PLSCR4: variants seen among roughly 807,000 people sequenced by gnomAD.
PLSCR4 encodes the protein Ca(2+)-dependent phospholipid scramblase 4.
PLSCR4 carries 25 observed loss-of-function variants against 36.3 expected under a neutral mutation model. The ratio of observed to expected loss-of-function variants is 0.69; its 90% CI spans 0.50 to 0.96. PLSCR4 has a LOEUF of 0.96. PLSCR4 is among the 40% of genes least tolerant of loss of function. The pLI is 0.00. For missense variants in PLSCR4, 408 were observed against 414.7 expected, an observed-to-expected ratio of 0.98 and a Z score of 0.14; for synonymous variants, 122 against 132.9, an observed-to-expected ratio of 0.92 and a Z score of 0.56.
At chr3:146,220,387 GA>G (rs1390944660) in intron 3 of PLSCR4, among the ~76,000 whole-genome samples, 2 of 152,086 alleles carry the variant, frequency 1.3e-5, no homozygotes, top group East Asian at 3.9e-4. Context: ...CCTCATACCA[GA>G]TTTTCATGAC....
rs1293773775 is a variant in PLSCR4 at position 146,206,698 on chromosome 3, T to C, written c.182A>G (p.Tyr61Cys). ...GAAGGTACTGGGTTGCTGTGGACTG[T>C]AGTATCCCATAGGCAAGCCTCCTGG... ...GYPGGLPMGY[Y>C]SPQQPSTFPL... Residue 61 changes from tyrosine (Y) to cysteine (C), a missense_variant, in exon 4 of 9, where the codon TAC (tyrosine) becomes TGC (cysteine). Tyr to Cys is a radical substitution (Grantham distance 194). Coordinates refer to ENST00000354952, the MANE Select transcript of PLSCR4 (RefSeq NM_020353.3). 2 of 1,611,858 alleles carry C rather than the reference T, an allele frequency of 1.2e-6. No homozygotes were observed. Among genetic ancestry groups the C allele is most frequent in the South Asian group, 2.2e-5 (2 of 90,936 alleles).
At position 146,196,784 on chromosome 3, in the gene PLSCR4, G is replaced by A. The variant is rs1228452944; in HGVS notation, c.634C>T (p.Gln212Ter). Residue 212 changes from glutamine to a stop codon, truncating the protein, a stop_gained, in exon 7 of 9, where the codon CAG becomes TAG. Transcript: ENST00000354952. LOFTEE classifies it high-confidence loss of function. ...CCAATGGTGACACCAGGAGGACACT[G>A]CACCTCCAGCTGCAAACAAAACAGT... ...CPSARQELEV[Q>*]CPPGVTIGFV... 6.2e-7 allele frequency: 1 copy of A among 1,613,648 alleles called. No individual in the cohort carries two copies. The highest frequency in any genetic ancestry group is 2.2e-5 in the East Asian group (1 of 44,870).
intron 6 of PLSCR4, among the ~76,000 whole-genome samples, chr3:146,198,189 G>A (rs2033851033): frequency 6.6e-6 from 1 of 152,090 alleles, no homozygotes; most frequent in South Asian, 2.1e-4. Flanking sequence ...GAGGAGGGAG[G>A]AATGTGGATA....
chr3:146,234,683 G>T (rs928803911), intron 1 of PLSCR4, among the ~76,000 whole-genome samples: 1 of 152,110 alleles, frequency 6.6e-6, no homozygotes, highest in Non-Finnish European at 1.5e-5. Flanking sequence ...CAGAAAATGG[G>T]TAAGTAGCAA....
At chr3:146,233,437 C>T (rs1034201926) in intron 1 of PLSCR4, among the ~76,000 whole-genome samples, 12 of 151,890 alleles carry the variant, frequency 7.9e-5, no homozygotes, top group Admixed American at 2.0e-4. Context: ...TGGGGCCCCA[C>T]GGAAAATGGG....
At chr3:146,207,105 G>A (rs1162403988) in intron 3 of PLSCR4, among the ~76,000 whole-genome samples, 2 of 152,048 alleles carry the variant, frequency 1.3e-5, no homozygotes, top group Non-Finnish European at 2.9e-5. Flanking sequence ...GTTGTAGTGG[G>A]ATTAATTACT....
chr3:146,249,375 G>A (rs1426020198), intron 1 of PLSCR4, among the ~76,000 whole-genome samples: 2 of 151,982 alleles, frequency 1.3e-5, no homozygotes, highest in Admixed American at 1.3e-4. Context: ...ACAAATTCCT[G>A]CTTGTCCAAG....
intron 3 of PLSCR4, among the ~76,000 whole-genome samples, chr3:146,218,035 T>C (rs534046164): frequency 6.6e-6 from 1 of 152,158 alleles, no homozygotes; most frequent in East Asian, 1.9e-4. Flanking sequence ...AACAGCACTT[T>C]TTAAGAGTAG....
At chr3:146,211,403 G>C (rs899067398) in intron 3 of PLSCR4, among the ~76,000 whole-genome samples, 1 of 151,990 alleles carries the variant, frequency 6.6e-6, no homozygotes, top group Non-Finnish European at 1.5e-5. Context: ...TGAATCATTT[G>C]TCTTTTTATT....
chr3:146,247,764 A>G (rs1205124035), intron 1 of PLSCR4, among the ~76,000 whole-genome samples: 1 of 152,124 alleles, frequency 6.6e-6, no homozygotes, highest in Non-Finnish European at 1.5e-5. Flanking sequence ...CTGGCACTAC[A>G]GGTGGGTGCC....
At chr3:146,246,410 T>G (rs767392310) in intron 1 of PLSCR4, among the ~76,000 whole-genome samples, 4 of 151,994 alleles carry the variant, frequency 2.6e-5, no homozygotes, top group Non-Finnish European at 4.4e-5. Flanking sequence ...TTTTAGCAAG[T>G]GTGAAGGATC....
intron 6 of PLSCR4, among the ~76,000 whole-genome samples, chr3:146,198,306 T>TAC (rs889468613): frequency 5.9e-5 from 9 of 151,932 alleles, no homozygotes; most frequent in Admixed American, 3.3e-4. Flanking sequence ...ACTAAATGTA[T>TAC]ACACACACAC....
chr3:146,229,342 T>C lies in PLSCR4; in HGVS notation c.-21-7250A>G, dbSNP rs2035603684. 2.0e-5 allele frequency among the ~76,000 whole-genome samples: 3 copies of C among 151,738 alleles called. No individual in the cohort carries two copies. In the South Asian group the frequency reaches 6.3e-4, roughly 32 times the overall value. On this transcript the variant is annotated intron_variant, in intron 1 of 8. Coordinates refer to ENST00000354952, the MANE Select transcript of PLSCR4 (RefSeq NM_020353.3). ...CATATTTGCCTGACCTCCAGGGGGGTGGGGGCCTTGAGACTGAGTTCAATC... is the reference window on the plus strand; with the variant it reads ...CATATTTGCCTGACCTCCAGGGGGGCGGGGGCCTTGAGACTGAGTTCAATC...
chr3:146,221,250 T>A (rs1179126092), intron 2 of PLSCR4, among the ~76,000 whole-genome samples: 2 of 152,160 alleles, frequency 1.3e-5, no homozygotes, highest in Non-Finnish European at 2.9e-5. Flanking sequence ...ATAGCAAAAA[T>A]TATTTTTCCC....
intron 3 of PLSCR4, 43 bp downstream of exon 3, chr3:146,220,772 G>C (rs1164548081): frequency 1.6e-6 from 2 of 1,232,534 alleles, no homozygotes; most frequent in Admixed American, 1.9e-5. Context: ...CATTAGTATG[G>C]TTTTTAGCAA....
At chr3:146,200,060 G>T in intron 5 of PLSCR4, 21 bp from the exon 6 acceptor site, 1 of 1,350,140 alleles carries the variant, frequency 7.4e-7, no homozygotes, top group Non-Finnish European at 1.1e-6. Flanking sequence ...AAATGAGTAA[G>T]TCTATATTAG....
chr3:146,235,373 G>A (rs1179640212), intron 1 of PLSCR4, among the ~76,000 whole-genome samples: 1 of 152,080 alleles, frequency 6.6e-6, no homozygotes, highest in Non-Finnish European at 1.5e-5. Flanking sequence ...ACCTGCTCCA[G>A]CCATGTGAAG....
chr3:146,229,007 C>G (rs2108314734), intron 1 of PLSCR4, among the ~76,000 whole-genome samples: 1 of 152,216 alleles, frequency 6.6e-6, no homozygotes, highest in South Asian at 2.1e-4. Flanking sequence ...GAGGTATCTA[C>G]TAGATGTTCC....
intron 3 of PLSCR4, among the ~76,000 whole-genome samples, chr3:146,213,572 C>T (rs1401553730): frequency 6.6e-5 from 10 of 152,152 alleles, no homozygotes; most frequent in Non-Finnish European, 8.8e-5. Context: ...ATCCACCCGC[C>T]TCGGATTCCC....
Sources: allele counts gnomAD v4.1 joint callset (sites outside exome capture counted in the v4.1 genomes callset), GRCh38; gene constraint gnomAD v4.1.1; transcripts MANE v1.5; gene names NCBI Gene and HGNC (gene_info 2026-07-23, HGNC 2026-07-21).